Variants in PCDHGA7 observed in about 807,000 individuals in gnomAD.
PCDHGA7 encodes the protein protocadherin gamma-A7.
A neutral mutation model predicts 58.3 loss-of-function variants in PCDHGA7; 44 were observed. The ratio of observed to expected loss-of-function variants is 0.75; its 90% confidence interval spans 0.59 to 0.97. PCDHGA7 has a LOEUF of 0.97. PCDHGA7 is among the 50% of genes least tolerant of loss of function. PCDHGA7 has a pLI of 0.00. For synonymous variants in PCDHGA7, 516 were observed against 504.2 expected, an observed-to-expected ratio of 1.02 and a Z score of -0.31; for missense variants, 1,266 against 1,188.7, an observed-to-expected ratio of 1.06 and a Z score of -0.96.
chr5:141,509,067 C>T (rs987332283), intron 3 of PCDHGA7, among the ~76,000 whole-genome samples: 1 of 152,132 alleles, frequency 6.6e-6, no homozygotes, highest in African/African-American at 2.4e-5. Flanking sequence ...CTCTCAGCTC[C>T]GGGGATTTGC....
At chr5:141,472,980 CAAAA>C (rs60579131) in intron 1 of PCDHGA7, among the ~76,000 whole-genome samples, 3 of 86,106 alleles carry the variant, frequency 3.5e-5, no homozygotes, top group Admixed American at 1.2e-4. Context: ...GAGTGAAACT[CAAAA>C]AAAAAAAAAA....
At chr5:141,499,356 C>A (rs1472104991) in intron 2 of PCDHGA7, among the ~76,000 whole-genome samples, 1 of 152,062 alleles carries the variant, frequency 6.6e-6, no homozygotes, top group Non-Finnish European at 1.5e-5. Context: ...ATTCAACAAA[C>A]AAATAGCAAC....
chr5:141,419,777 C>T (rs976849391), intron 1 of PCDHGA7: 3 of 1,614,054 alleles, frequency 1.9e-6, no homozygotes, highest in Admixed American at 3.3e-5. Flanking sequence ...CTCGGTCCGC[C>T]AGCGCCTGCT....
At chr5:141,404,602 G>C (rs749746083) in intron 1 of PCDHGA7, 2 of 1,614,076 alleles carry the variant, frequency 1.2e-6, no homozygotes, top group Admixed American at 1.7e-5. Flanking sequence ...CATTGAGACT[G>C]TTTGTTTTGG....
At position 141,432,349 on chromosome 5, in the gene PCDHGA7, G is replaced by T; in HGVS notation, c.2424+47026G>T. On this transcript the variant is annotated intron_variant, in intron 1 of 3. Transcript: ENST00000518325. This position sits in a 1 kb window ranked among gnomAD's most constrained non-coding sequence, Gnocchi z 6.0. Reference sequence around the variant, plus strand: ...ACGAGCAGTTCCGAGACTTGCAAGTGAAAGTGATGGCGCGGGACAACGGGC... The same window carrying T: ...ACGAGCAGTTCCGAGACTTGCAAGTTAAAGTGATGGCGCGGGACAACGGGC... 4 of 1,614,240 alleles carry T rather than the reference G, an allele frequency of 2.5e-6. No homozygotes were observed. Among genetic ancestry groups the T allele is most frequent in the Non-Finnish European group, 1.7e-6 (2 of 1,180,046 alleles).
Position 141,431,991 on chromosome 5 carries a change from A to G in PCDHGA7, c.2424+46668A>G. 1.2e-6 allele frequency: 2 copies of G among 1,614,218 alleles called. No individual in the cohort carries two copies. The highest frequency in any genetic ancestry group is 1.7e-6 in the Non-Finnish European group (2 of 1,180,042). On this transcript the variant is annotated intron_variant, in intron 1 of 3. Transcript: ENST00000518325. The surrounding 1 kb of genome is among the most constrained non-coding windows in gnomAD (Gnocchi z 4.8). The stretch of plus-strand genomic sequence containing the variant: ...AGTTTAGTCACAGACATAGTCTTGG[A>G]TAGGGAACAGGTTCCTAGCTACAAC...
At chr5:141,400,609 A>G (rs376731583) in intron 1 of PCDHGA7, 129 of 1,577,604 alleles carry the variant, frequency 8.2e-5, no homozygotes, top group South Asian at 3.2e-4. Flanking sequence ...TTCAAGTCCA[A>G]TGAGTTGTCT....
intron 1 of PCDHGA7, chr5:141,413,488 C>T (rs2095648022): frequency 3.1e-6 from 5 of 1,613,868 alleles, no homozygotes; most frequent in Non-Finnish European, 3.4e-6. Context: ...TCAGAGCGCG[C>T]GGTGCGTGGT....
At chr5:141,393,491 G>C in intron 1 of PCDHGA7, 1 of 1,614,026 alleles carries the variant, frequency 6.2e-7, no homozygotes, top group Non-Finnish European at 8.5e-7. Flanking sequence ...CTAGCACAGT[G>C]CGCATCCACG....
intron 1 of PCDHGA7, chr5:141,387,968 G>A (rs1169859236): frequency 7.4e-6 from 11 of 1,489,402 alleles, no homozygotes; most frequent in Non-Finnish European, 9.9e-6. Flanking sequence ...TCTGCCCGGC[G>A]CTCTGTGAGC....
chr5:141,384,092 T>C lies in PCDHGA7; in HGVS notation c.1193T>C (p.Ile398Thr). The C allele has an allele frequency of 6.3e-7, 1 of 1,596,242 alleles. No individual in the cohort carries two copies. The stretch of plus-strand genomic sequence containing the variant: ...CTACCTTTTAAATTAGAAAAATCAA[T>C]AGATAATTATTATAGATTGGTCACA... ...ENLPFKLEKS[I>T]DNYYRLVTTK... Residue 398 changes from isoleucine (I) to threonine (T), a missense_variant, in exon 1 of 4, where the codon ATA becomes ACA. Transcript: ENST00000518325.
chr5:141,405,016 C>G (rs538744733), intron 1 of PCDHGA7: 1 of 1,613,888 alleles, frequency 6.2e-7, no homozygotes. Flanking sequence ...AGGCCTCAGA[C>G]CTTACCCTCT....
intron 1 of PCDHGA7, among the ~76,000 whole-genome samples, chr5:141,467,254 T>C (rs1291193879): frequency 2.0e-5 from 3 of 152,248 alleles, no homozygotes; most frequent in Admixed American, 6.5e-5. Flanking sequence ...GGTTTCACCA[T>C]GTTGGCCAGG....
chr5:141,478,642 T>A (rs777741719), intron 1 of PCDHGA7: 1 of 1,552,350 alleles, frequency 6.4e-7, no homozygotes, highest in South Asian at 1.2e-5. Context: ...GTGATGAAGA[T>A]GTTTTCCTGG....
intron 1 of PCDHGA7, chr5:141,423,689 G>T: frequency 7.1e-7 from 1 of 1,400,130 alleles, no homozygotes; most frequent in Non-Finnish European, 9.4e-7. Context: ...CCTCCTAATT[G>T]TTGGTGTCTT....
rs1562059777 is a variant in PCDHGA7, at chr5:141,477,098, G to C, written c.2425-17709G>C. 6.2e-7 allele frequency: 1 copy of C among 1,614,242 alleles called. No individual in the cohort carries two copies. Among genetic ancestry groups the C allele is most frequent in the Non-Finnish European group, 8.5e-7 (1 of 1,180,046 alleles). ...GATTTACATCCAGGCCAAAGACAAG[G>C]GCGCCAATCCCGAAGGAGCACATTG... On this transcript the variant is annotated intron_variant, in intron 1 of 3. Transcript: ENST00000518325. This position sits in a 1 kb window ranked among gnomAD's most constrained non-coding sequence, Gnocchi z 4.9.
rs74792071 is a variant in PCDHGA7 at position 141,437,248 on chromosome 5, T to C, written c.2424+51925T>C. 4.6e-3 allele frequency among the ~76,000 whole-genome samples: 704 copies of C among 152,360 alleles called. 4 individuals carry two copies. The highest frequency in any genetic ancestry group is 0.015 in the African/African-American group (641 of 41,594). On this transcript the variant is annotated intron_variant, in intron 1 of 3. Transcript: ENST00000518325. ...CATAAAATTATGTCAAGGACTTTCC[T>C]TGTCTTTTTATGTGTATGACAGATG... is the stretch of plus-strand genomic sequence containing the variant.
intron 1 of PCDHGA7, among the ~76,000 whole-genome samples, chr5:141,472,508 C>T (rs140607073): frequency 0.01 from 1,548 of 151,922 alleles, 35 homozygotes; most frequent in African/African-American, 0.035. Flanking sequence ...CCACTGCACT[C>T]CAGCCTGGGT....
At chr5:141,398,980 G>T in intron 1 of PCDHGA7, 1 of 1,613,860 alleles carries the variant, frequency 6.2e-7, no homozygotes, top group Non-Finnish European at 8.5e-7. Context: ...CTACAGAACC[G>T]GGCAAATCTT....
Sources: allele counts gnomAD v4.1 joint callset (sites outside exome capture counted in the v4.1 genomes callset), GRCh38; gene constraint gnomAD v4.1.1; non-coding constraint Gnocchi (gnomAD v3.1); transcripts MANE v1.5; gene names NCBI Gene and HGNC (gene_info 2026-07-23, HGNC 2026-07-21).